WASF2: variants seen among roughly 807,000 people sequenced by gnomAD.
WASF2 encodes the protein actin-binding protein WASF2.
WASF2 carries 14 observed loss-of-function variants against 45.0 expected under a neutral mutation model. That is an observed-to-expected ratio of 0.31 (90% confidence interval 0.21 to 0.49). The LOEUF (loss-of-function observed/expected upper bound fraction) is 0.49. Ranked by LOEUF, WASF2 falls within the 20% of genes least tolerant of loss-of-function variation. WASF2 has a pLI of 0.99. For missense variants in WASF2, 439 were observed against 636.1 expected (o/e 0.69, Z 3.33); for synonymous variants, 200 against 236.3 (o/e 0.85, Z 1.41).
chr1:27,489,621 A>C (rs903301321), intron 1 of WASF2, among the ~76,000 whole-genome samples: 6 of 152,212 alleles, frequency 3.9e-5, no homozygotes, highest in African/African-American at 1.4e-4. Context: ...ACTCCTGTAC[A>C]TACATCTGCC....
At chr1:27,451,424 G>A (rs1284403850) in intron 1 of WASF2, among the ~76,000 whole-genome samples, 2 of 152,206 alleles carry the variant, frequency 1.3e-5, no homozygotes, top group Non-Finnish European at 2.9e-5. Flanking sequence ...AATGGCTTAT[G>A]TGGCTGAAGT....
intron 1 of WASF2, among the ~76,000 whole-genome samples, chr1:27,472,265 T>C (rs144131341): frequency 9.2e-4 from 132 of 144,068 alleles, no homozygotes; most frequent in African/African-American, 3.4e-3. Flanking sequence ...ACTGATGTGG[T>C]GGTAAGCTGA....
chr1:27,461,914 G>A (rs2017550745), intron 1 of WASF2, among the ~76,000 whole-genome samples: 1 of 151,836 alleles, frequency 6.6e-6, no homozygotes, highest in South Asian at 2.1e-4. Context: ...CTCCCACCTT[G>A]GCCTCCCAAA....
chr1:27,456,444 G>A (rs1488575195), intron 1 of WASF2, among the ~76,000 whole-genome samples: 5 of 151,836 alleles, frequency 3.3e-5, no homozygotes, highest in Admixed American at 3.3e-4. Context: ...AAAGAAAACA[G>A]GACAACTGGG....
chr1:27,447,645 A>G (rs2017328352), intron 1 of WASF2, among the ~76,000 whole-genome samples: 1 of 152,176 alleles, frequency 6.6e-6, no homozygotes, highest in Non-Finnish European at 1.5e-5. Flanking sequence ...TCAAACACTA[A>G]TGGATTCCGA....
At position 27,410,016 on chromosome 1, in the gene WASF2, C is replaced by T. The variant is rs768861728; in HGVS notation, c.1015G>A (p.Val339Ile). 29 of 1,613,504 alleles carry T rather than the reference C, an allele frequency of 1.8e-5. No homozygotes were observed. In the East Asian group the frequency reaches 5.1e-4, roughly 29 times the overall value. The change falls in exon 8 of 9, where the codon GTA becomes ATA. Residue 339 changes from valine (V) to isoleucine (I), a missense_variant. Physicochemically the swap from Val to Ile is conservative, Grantham distance 29. This residue lies in a region of WASF2 where 286 missense variants were observed against 373.5 expected (regional missense o/e 0.77). Transcript: ENST00000618852. This position sits in a 1 kb window ranked among gnomAD's most constrained non-coding sequence, Gnocchi z 4.2. ...GGCGTCCCTGGAGACCCAAATCCTA[C>T]AGGCGGTGGTGGAGGTGGGATGCCT... ...MIGIPPPPPP[V>I]GFGSPGTPPP...
intron 1 of WASF2, among the ~76,000 whole-genome samples, chr1:27,468,492 T>G (rs968689822): frequency 2.0e-5 from 3 of 150,154 alleles, no homozygotes; most frequent in African/African-American, 4.9e-5. Context: ...AATACAAAAA[T>G]TAGCTGGTCG....
At chr1:27,433,018 C>T (rs142492017) in intron 1 of WASF2, among the ~76,000 whole-genome samples, 1 of 152,302 alleles carries the variant, frequency 6.6e-6, no homozygotes, top group African/African-American at 2.4e-5. Flanking sequence ...CCACCTTGGC[C>T]TCCCAAAGTG....
intron 1 of WASF2, among the ~76,000 whole-genome samples, chr1:27,460,705 T>C (rs529401406): frequency 6.6e-6 from 1 of 152,328 alleles, no homozygotes; most frequent in Non-Finnish European, 1.5e-5. Flanking sequence ...ATAGCCAAAA[T>C]GGAGTACAGA....
intron 1 of WASF2, among the ~76,000 whole-genome samples, chr1:27,429,921 A>T (rs1357720345): frequency 6.6e-6 from 1 of 152,192 alleles, no homozygotes; most frequent in Non-Finnish European, 1.5e-5. Flanking sequence ...GTGCTGTAAG[A>T]TTCCCTGGTG....
chr1:27,486,376 C>G (rs983337068), intron 1 of WASF2, among the ~76,000 whole-genome samples: 1 of 151,826 alleles, frequency 6.6e-6, no homozygotes, highest in African/African-American at 2.4e-5. Flanking sequence ...TACTGTGGAC[C>G]GGTATACTAA....
chr1:27,471,322 G>C (rs951948065), intron 1 of WASF2, among the ~76,000 whole-genome samples: 1 of 143,616 alleles, frequency 7.0e-6, no homozygotes, highest in African/African-American at 2.7e-5. Flanking sequence ...TCCAGCCTGG[G>C]CGACAGAGCG....
At chr1:27,449,388 C>T (rs895038531) in intron 1 of WASF2, among the ~76,000 whole-genome samples, 1 of 152,048 alleles carries the variant, frequency 6.6e-6, no homozygotes, top group African/African-American at 2.4e-5. Context: ...CACTTGAGGT[C>T]AGGAGTTCGA....
At chr1:27,470,904 G>A (rs1404244919) in intron 1 of WASF2, among the ~76,000 whole-genome samples, 1 of 152,144 alleles carries the variant, frequency 6.6e-6, no homozygotes, top group Non-Finnish European at 1.5e-5. Context: ...TCTGACCACA[G>A]GTTCTCAAAA....
At position 27,405,178 on chromosome 1, in the gene WASF2, A is replaced by G. The variant is rs1260079235; in HGVS notation, c.*3011T>C. 6.6e-6 allele frequency: 1 copy of G among 152,250 alleles called. No homozygotes were observed. Among genetic ancestry groups the G allele is most frequent in the Admixed American group, 6.5e-5 (1 of 15,284 alleles). 9.4% of individuals were successfully genotyped at this position (152,250 alleles called of 1,614,324 possible). On this transcript the variant is annotated 3_prime_UTR_variant, in exon 9 of 9. Coordinates refer to ENST00000618852, the MANE Select transcript of WASF2 (RefSeq NM_006990.5). ...AACACCGCCTCGGCTCTGCGTTGAC[A>G]TTGGCCAGGGTCGTTTCTGAGGGCG...
At chr1:27,466,923 G>A (rs181323187) in intron 1 of WASF2, among the ~76,000 whole-genome samples, 82 of 152,074 alleles carry the variant, frequency 5.4e-4, no homozygotes, top group African/African-American at 1.8e-3. Context: ...AAAATAATAA[G>A]ACTTTTCAGG....
At chr1:27,416,309 CCTTA>C (rs2016825332) in intron 4 of WASF2, among the ~76,000 whole-genome samples, 1 of 152,198 alleles carries the variant, frequency 6.6e-6, no homozygotes, top group Non-Finnish European at 1.5e-5. Flanking sequence ...AGAACCTTAG[CCTTA>C]CTTTCAATTC....
Position 27,408,099 on chromosome 1 carries a change from C to T in WASF2, c.*90G>A. The T allele has an allele frequency of 2.7e-6, 4 of 1,482,448 alleles. No homozygotes were observed. Among genetic ancestry groups the T allele is most frequent in the African/African-American group, 2.8e-5 (2 of 70,842 alleles). The allele number at this position is 1,482,448 out of a possible 1,614,324, so 91.8% of individuals were successfully genotyped here. On this transcript the variant is annotated 3_prime_UTR_variant, in exon 9 of 9. Coordinates refer to ENST00000618852, the MANE Select transcript of WASF2 (RefSeq NM_006990.5). ...CCCCTTAAAATTACTTTTTTCCTCC[C>T]TTTTCTCCCCCTACGGGTCTGTTGG...
intron 8 of WASF2, among the ~76,000 whole-genome samples, chr1:27,408,906 G>T (rs994351119): frequency 6.6e-6 from 1 of 152,050 alleles, no homozygotes; most frequent in African/African-American, 2.4e-5. Flanking sequence ...AGGGCAGGGG[G>T]CAAGGAAGGA....
Sources: gnomAD v4.1 joint callset for allele counts (sites outside exome capture counted in the v4.1 genomes callset) on GRCh38, gnomAD v4.1.1 for gene constraint, gnomAD v4.1.1 regional missense constraint, Gnocchi (gnomAD v3.1) non-coding constraint, MANE v1.5 for transcripts, NCBI Gene and HGNC (gene_info 2026-07-23, HGNC 2026-07-21) for gene names.